DIP2A: variants seen among roughly 807,000 people sequenced by gnomAD.
DIP2A encodes disco-interacting protein 2 homolog A.
In DIP2A, 85 loss-of-function variants were observed where a neutral mutation model predicts 177.4. The observed-to-expected ratio is 0.48, with a 90% CI of 0.40 to 0.57. DIP2A has a LOEUF of 0.57. Among genes scored for constraint, DIP2A ranks in the 20% least tolerant of loss-of-function variants. DIP2A has a pLI of 0.00. For missense variants in DIP2A, 1,791 were observed against 2,100.2 expected, an observed-to-expected ratio of 0.85 and a Z score of 2.88; for synonymous variants, 886 against 881.8, an observed-to-expected ratio of 1.00 and a Z score of -0.08.
chr21:46,537,601 T>G lies in DIP2A; in HGVS notation c.1801+62T>G. 4.7e-6 allele frequency: 7 copies of G among 1,504,046 alleles called. No individual in the cohort carries two copies. Among genetic ancestry groups the G allele is most frequent in the Non-Finnish European group, 6.4e-6 (7 of 1,090,868 alleles). The allele number at this position is 1,504,046 out of a possible 1,614,324, so 93.2% of individuals were successfully genotyped here. On this transcript the variant is annotated intron_variant, in intron 15 of 37. Coordinates refer to ENST00000417564, the MANE Select transcript of DIP2A (RefSeq NM_015151.4). The surrounding 1 kb of genome is among the most constrained non-coding windows in gnomAD (Gnocchi z 4.1). ...TAGGGAAATCTCTTTGAACTGACCT[T>G]TGGTGCTTAAGAAAAAATAAAGCTG...
chr21:46,560,356 A>G (rs747592755), intron 32 of DIP2A, among the ~76,000 whole-genome samples: 3 of 152,226 alleles, frequency 2.0e-5, no homozygotes, highest in Non-Finnish European at 4.4e-5. Context: ...GGTTGGTGAG[A>G]GGCAAGGCCC....
chr21:46,500,537 G>A (rs2148543836), intron 5 of DIP2A, among the ~76,000 whole-genome samples: 1 of 152,356 alleles, frequency 6.6e-6, no homozygotes, highest in South Asian at 2.1e-4. Flanking sequence ...AGTTTTAAAT[G>A]TTCTGTTACC....
chr21:46,579,417 A>G, the DIP2A span, among the ~76,000 whole-genome samples: 2 of 151,618 alleles, frequency 1.3e-5, no homozygotes, highest in Admixed American at 6.6e-5. Context: ...GGATTCGTTG[A>G]TTTTTTTTGA....
Position 46,524,131 on chromosome 21 carries a change from A to T in DIP2A, c.1103-4961A>T, listed in dbSNP as rs563924058. Among the ~76,000 whole-genome samples the T allele has an allele frequency of 8.5e-5, 13 of 152,330 alleles. No homozygotes were observed. In the East Asian group the frequency reaches 2.5e-3, roughly 29 times the overall value. The stretch of plus-strand genomic sequence containing the variant: ...TGTTCCATGATCCTGTACATGCCTA[A>T]CCTTGTCACCCAAAGCCGTCAGCAA... On this transcript the variant is annotated intron_variant, in intron 8 of 37. Coordinates refer to ENST00000417564, the MANE Select transcript of DIP2A (RefSeq NM_015151.4).
chr21:46,533,933 CGCA>C, intron 11 of DIP2A, 68 bp from the exon 12 acceptor site: 1 of 1,304,956 alleles, frequency 7.7e-7, no homozygotes, highest in Non-Finnish European at 1.1e-6. Flanking sequence ...ATGTTGGAGG[CGCA>C]GGCTTCGAGT....
intron 2 of DIP2A, among the ~76,000 whole-genome samples, chr21:46,488,160 GA>G (rs1447491544): frequency 6.6e-6 from 1 of 152,144 alleles, no homozygotes; most frequent in African/African-American, 2.4e-5. Context: ...GGATATGAAG[GA>G]GGAAGGGTTA....
chr21:46,461,958 G>C (rs140918769), intron 1 of DIP2A, among the ~76,000 whole-genome samples: 1 of 152,016 alleles, frequency 6.6e-6, no homozygotes, highest in Admixed American at 6.6e-5. Flanking sequence ...GCTACTTGAG[G>C]GGCCGAGGTG....
rs2059603344 is a variant in DIP2A, at chr21:46,537,031, A to G, written c.1643-193A>G. ...CTCTGTGTTAGTTCCATGACCTTCTACTTTTATGTGTTTCCAGTAATTTGA... is the reference window on the plus strand; with the variant it reads ...CTCTGTGTTAGTTCCATGACCTTCTGCTTTTATGTGTTTCCAGTAATTTGA... On this transcript the variant is annotated intron_variant, in intron 13 of 37. Coordinates refer to ENST00000417564, the MANE Select transcript of DIP2A (RefSeq NM_015151.4). The surrounding 1 kb of genome is among the most constrained non-coding windows in gnomAD (Gnocchi z 4.1). Among the ~76,000 whole-genome samples the G allele has an allele frequency of 6.6e-6, 1 of 152,058 alleles. No individual in the cohort carries two copies. Among genetic ancestry groups the G allele is most frequent in the Admixed American group, 6.6e-5 (1 of 15,250 alleles).
intron 1 of DIP2A, among the ~76,000 whole-genome samples, chr21:46,468,412 T>TAA (rs59835943): frequency 7.0e-6 from 1 of 142,606 alleles, no homozygotes. Flanking sequence ...ATACCCTGTC[T>TAA]AAAAAAAAAA....
downstream of DIP2A, among the ~76,000 whole-genome samples, chr21:46,574,284 T>C (rs998200727): frequency 6.6e-6 from 1 of 151,842 alleles, no homozygotes; most frequent in African/African-American, 2.4e-5. Context: ...AATTAGAAAA[T>C]ACTTGGAAAT....
At chr21:46,486,070 C>CAAAAA (rs1174271396) in intron 2 of DIP2A, among the ~76,000 whole-genome samples, 3 of 60,058 alleles carry the variant, frequency 5.0e-5, no homozygotes, top group South Asian at 6.7e-4. Context: ...GACTTCATCT[C>CAAAAA]AAAAAAAAAA....
chr21:46,515,683 C>A (rs1405010971), intron 8 of DIP2A, among the ~76,000 whole-genome samples: 1 of 152,060 alleles, frequency 6.6e-6, no homozygotes, highest in East Asian at 1.9e-4. Flanking sequence ...ACCACAGGCA[C>A]ACACCATCAT....
chr21:46,502,572 C>T (rs910654175), intron 5 of DIP2A, among the ~76,000 whole-genome samples: 2 of 151,002 alleles, frequency 1.3e-5, no homozygotes, highest in Non-Finnish European at 2.9e-5. Flanking sequence ...CTCAGCCTCC[C>T]GAGTAGCTGG....
At chr21:46,462,204 C>G (rs1346729438) in intron 1 of DIP2A, among the ~76,000 whole-genome samples, 2 of 152,226 alleles carry the variant, frequency 1.3e-5, no homozygotes, top group Non-Finnish European at 2.9e-5. Flanking sequence ...TAGGCACAGT[C>G]ACACGTGGAC....
At chr21:46,467,667 T>C (rs2054958784) in intron 1 of DIP2A, among the ~76,000 whole-genome samples, 1 of 152,254 alleles carries the variant, frequency 6.6e-6, no homozygotes, top group South Asian at 2.1e-4. Flanking sequence ...AAGTTACACT[T>C]ACTGACTAGT....
At chr21:46,530,024 AAGGGCTC>A (rs2059289637) in intron 9 of DIP2A, among the ~76,000 whole-genome samples, 1 of 152,212 alleles carries the variant, frequency 6.6e-6, no homozygotes, top group South Asian at 2.1e-4. Flanking sequence ...GCCACATTTC[AAGGGCTC>A]AGTAGGAGTG....
At chr21:46,509,721 T>C (rs1229424264) in intron 7 of DIP2A, among the ~76,000 whole-genome samples, 2 of 152,242 alleles carry the variant, frequency 1.3e-5, no homozygotes, top group African/African-American at 4.8e-5. Context: ...TAGATTTGGC[T>C]GCTTTTCAGA....
At chr21:46,473,926 CTT>C (rs1483857399) in intron 1 of DIP2A, among the ~76,000 whole-genome samples, 16 of 152,188 alleles carry the variant, frequency 1.1e-4, no homozygotes, top group South Asian at 2.1e-4. Flanking sequence ...TGCATAATCT[CTT>C]TTGTCTCTTT....
At chr21:46,477,784 A>G (rs539897407) in intron 1 of DIP2A, among the ~76,000 whole-genome samples, 13 of 151,382 alleles carry the variant, frequency 8.6e-5, no homozygotes, top group Middle Eastern at 3.4e-3. Flanking sequence ...GGGTTTTGCC[A>G]TGTTGGCCAG....
Sources: allele counts gnomAD v4.1 joint callset (sites outside exome capture counted in the v4.1 genomes callset), GRCh38; gene constraint gnomAD v4.1.1; non-coding constraint Gnocchi (gnomAD v3.1); transcripts MANE v1.5; gene names NCBI Gene and HGNC (gene_info 2026-07-23, HGNC 2026-07-21).